Variants in CD4 observed in about 807,000 individuals in gnomAD.
The protein encoded by CD4 is T-cell surface glycoprotein CD4.
CD4 carries 25 observed loss-of-function variants against 50.5 expected under a neutral mutation model. That is an observed-to-expected ratio of 0.49 (90% CI 0.36 to 0.69). The LOEUF is 0.69. CD4 is among the 30% of genes least tolerant of loss of function. CD4 has a pLI of 0.00. For synonymous variants in CD4, 207 were observed against 221.9 expected, an observed-to-expected ratio of 0.93 and a Z score of 0.60; for missense variants, 456 against 548.5, an observed-to-expected ratio of 0.83 and a Z score of 1.68.
At chr12:6,814,715 T>C in intron 4 of CD4, 44 bp from the exon 5 acceptor site, 1 of 1,391,152 alleles carries the variant, frequency 7.2e-7, no homozygotes, top group Non-Finnish European at 1.0e-6. Flanking sequence ...CCCTTCTCCT[T>C]GGGGATGGTA....
chr12:6,818,425 G>A lies in CD4; in HGVS notation c.1161G>A (p.Leu387=), dbSNP rs782476856. 5 of 1,612,446 alleles carry A rather than the reference G, an allele frequency of 3.1e-6. No homozygotes were observed. The highest frequency in any genetic ancestry group is 3.4e-6 in the Non-Finnish European group (4 of 1,179,976). The change falls in exon 8 of 10, where the codon CTG becomes CTA. Residue 387 remains leucine, a synonymous_variant. Transcript: ENST00000011653. The surrounding 1 kb of genome is among the most constrained non-coding windows in gnomAD (Gnocchi z 5.0). ...GCACATTTCTCTCCCTTGCAGTTCT[G>A]CCCACATGGTCCACCCCGGTGCAGC... The part of the protein sequence containing the change: ...QVLLESNIKV[L]PTWSTPVQPM...
intron 1 of CD4, among the ~76,000 whole-genome samples, chr12:6,793,464 A>G (rs969997797): frequency 6.6e-6 from 1 of 152,162 alleles, no homozygotes; most frequent in Non-Finnish European, 1.5e-5. Context: ...ACTCTTTGGT[A>G]TGAGGCTACT....
At chr12:6,813,988 C>A (rs1051576892) in intron 3 of CD4, 154 bp from the exon 4 acceptor site, 3 of 664,634 alleles carry the variant, frequency 4.5e-6, no homozygotes, top group Non-Finnish European at 7.9e-6. Context: ...TATGATGAGA[C>A]CTCCTTGCCA....
In CD4 at chr12:6,816,336, C is replaced by T; in HGVS notation, c.888C>T (p.Asn296=). The T allele has an allele frequency of 6.2e-7, 1 of 1,614,216 alleles. No individual in the cohort carries two copies. Among genetic ancestry groups the T allele is most frequent in the Non-Finnish European group, 8.5e-7 (1 of 1,180,034 alleles). The part of the protein sequence containing the change: ...QALPQYAGSG[N]LTLALEAKTG... ...TGCCTCAGTATGCTGGCTCTGGAAA[C>T]CTCACCCTGGCCCTTGAAGCGAAAA... Residue 296 remains asparagine, a synonymous_variant, in exon 6 of 10, where the codon AAC becomes AAT. Transcript: ENST00000011653. The surrounding 1 kb of genome is among the most constrained non-coding windows in gnomAD (Gnocchi z 4.9).
intron 1 of CD4, among the ~76,000 whole-genome samples, chr12:6,796,549 T>C (rs1075838): frequency 0.63 from 96,222 of 151,908 alleles, 30,695 homozygotes; most frequent in Middle Eastern, 0.71. Context: ...TCTTGGTGCC[T>C]TTCCTATAAT....
chr12:6,793,274 G>A (rs1393915673), intron 1 of CD4, among the ~76,000 whole-genome samples: 1 of 152,102 alleles, frequency 6.6e-6, no homozygotes, highest in Admixed American at 6.5e-5. Flanking sequence ...GGAGCTGGGG[G>A]AGTCAAAACA....
chr12:6,805,303 C>T (rs782048948), intron 3 of CD4, among the ~76,000 whole-genome samples: 2 of 151,858 alleles, frequency 1.3e-5, no homozygotes, highest in South Asian at 2.1e-4. Context: ...TGGCTCATGC[C>T]TGTAATCCCA....
chr12:6,816,134 T>C lies in CD4; in HGVS notation c.686T>C (p.Val229Ala). ...VEFSFPLAFTVEKLTGSGELW... is the reference protein window; with the variant it reads ...VEFSFPLAFTAEKLTGSGELW... ...TTCTCCTTCCCACTCGCCTTTACAG[T>C]TGAAAAGCTGACGGGCAGTGGCGAG... Residue 229 changes from valine to alanine, a missense_variant, in exon 6 of 10, where the codon GTT (valine) becomes GCT (alanine). Val to Ala is a moderately conservative substitution (Grantham distance 64). Coordinates refer to ENST00000011653, the MANE Select transcript of CD4 (RefSeq NM_000616.5). The surrounding 1 kb of genome is among the most constrained non-coding windows in gnomAD (Gnocchi z 4.9). 6.2e-7 allele frequency: 1 copy of C among 1,614,092 alleles called. No individual in the cohort carries two copies. Among genetic ancestry groups the C allele is most frequent in the African/African-American group, 1.3e-5 (1 of 74,996 alleles).
intron 7 of CD4, among the ~76,000 whole-genome samples, chr12:6,817,762 CTA>C (rs1276858620): frequency 2.6e-5 from 3 of 114,768 alleles, no homozygotes; most frequent in Non-Finnish European, 4.8e-5. Flanking sequence ...CATACACACA[CTA>C]CACACACATC....
chr12:6,817,481 C>G, intron 7 of CD4, 151 bp downstream of exon 7: 1 of 660,682 alleles, frequency 1.5e-6, no homozygotes, highest in Non-Finnish European at 2.6e-6. Flanking sequence ...TTTGGAGGCC[C>G]CAAAAGGAGG....
intron 3 of CD4, among the ~76,000 whole-genome samples, chr12:6,802,129 C>T (rs1555115472): frequency 1.3e-5 from 2 of 152,148 alleles, no homozygotes; most frequent in African/African-American, 4.8e-5. Flanking sequence ...CCACCTTAGC[C>T]TCCCAAAGTG....
chr12:6,813,243 G>C, intron 3 of CD4, among the ~76,000 whole-genome samples: 1 of 146,902 alleles, frequency 6.8e-6, no homozygotes, highest in South Asian at 2.2e-4. Context: ...TTTTTTTAGA[G>C]ATGGGGTTTC....
Position 6,789,622 on chromosome 12 carries a change from C to G in CD4, c.-108C>G, listed in dbSNP as rs199831257. 1 of 152,236 alleles carries G rather than the reference C, an allele frequency of 6.6e-6. No homozygotes were observed. The highest frequency in any genetic ancestry group is 2.4e-5 in the African/African-American group (1 of 41,452). The allele number at this position is 152,236 out of a possible 1,614,324, so 9.4% of individuals were successfully genotyped here. On this transcript the variant is annotated 5_prime_UTR_variant, in exon 1 of 10. Coordinates refer to ENST00000011653, the MANE Select transcript of CD4 (RefSeq NM_000616.5). ...GCTCCAAGTCCTCACACAGATACGCCTGTTTGAGAAGCAGCGGGCAAGAAA... is the reference window on the plus strand; with the variant it reads ...GCTCCAAGTCCTCACACAGATACGCGTGTTTGAGAAGCAGCGGGCAAGAAA...
intron 3 of CD4, among the ~76,000 whole-genome samples, chr12:6,812,767 ATTTTTG>A (rs201647265): frequency 0.18 from 25,661 of 144,310 alleles, 2,485 homozygotes; most frequent in East Asian, 0.41. Flanking sequence ...AACCAAGGTT[ATTTTTG>A]TGTGTGTGTG....
chr12:6,819,331 G>A lies in CD4; in HGVS notation c.*2G>A. 6.2e-7 allele frequency: 1 copy of A among 1,614,078 alleles called. No individual in the cohort carries two copies. The highest frequency in any genetic ancestry group is 1.1e-5 in the South Asian group (1 of 91,078). On this transcript the variant is annotated 3_prime_UTR_variant, in exon 10 of 10. Coordinates refer to ENST00000011653, the MANE Select transcript of CD4 (RefSeq NM_000616.5). ...CAGAAGACATGTAGCCCCATTTGAG[G>A]CACGAGGCCAGGCAGATCCCACTTG...
intron 3 of CD4, among the ~76,000 whole-genome samples, chr12:6,807,027 C>T (rs897730123): frequency 3.4e-4 from 52 of 151,918 alleles, no homozygotes; most frequent in Non-Finnish European, 1.0e-4. Flanking sequence ...ATTAGCCGGG[C>T]GTGGTGGCGG....
chr12:6,816,462 G>C lies in CD4; in HGVS notation c.955+59G>C. The C allele has an allele frequency of 7.1e-7, 1 of 1,404,206 alleles. No individual in the cohort carries two copies. Among genetic ancestry groups the C allele is most frequent in the Non-Finnish European group, 9.7e-7 (1 of 1,033,130 alleles). 87.0% of individuals were successfully genotyped at this position (1,404,206 alleles called of 1,614,324 possible). On this transcript the variant is annotated intron_variant, in intron 6 of 9. Transcript: ENST00000011653. This position sits in a 1 kb window ranked among gnomAD's most constrained non-coding sequence, Gnocchi z 4.9. ...GAAGGAGTTGGAGGGGCCTGGCCCA[G>C]GGCTCCCTCTGAGGCAAGCCAGGCC...
intron 1 of CD4, among the ~76,000 whole-genome samples, chr12:6,794,556 G>A (rs1346742718): frequency 6.6e-6 from 1 of 151,440 alleles, no homozygotes; most frequent in Non-Finnish European, 1.5e-5. Flanking sequence ...ATTTTTAGTA[G>A]AGATGGGATT....
Position 6,820,077 on chromosome 12 carries a change from AGTC to A in CD4, c.*750_*752del, listed in dbSNP as rs1943227925. ...CAAGTGCCGGACTAGCAAGTGCTGG[AGTC>A]GGGACTAACCCAGGTCCCTTGTCCC... On this transcript the variant is annotated 3_prime_UTR_variant, in exon 10 of 10. Coordinates refer to ENST00000011653, the MANE Select transcript of CD4 (RefSeq NM_000616.5). 6.6e-6 allele frequency: 1 copy of A among 152,386 alleles called. No homozygotes were observed. The highest frequency in any genetic ancestry group is 2.1e-4 in the South Asian group (1 of 4,836). The allele number at this position is 152,386 out of a possible 1,614,324, so 9.4% of individuals were successfully genotyped here.
Sources: gnomAD v4.1 joint callset for allele counts (sites outside exome capture counted in the v4.1 genomes callset) on GRCh38, gnomAD v4.1.1 for gene constraint, Gnocchi (gnomAD v3.1) non-coding constraint, MANE v1.5 for transcripts, NCBI Gene and HGNC (gene_info 2026-07-23, HGNC 2026-07-21) for gene names.